Variants in FAM81B observed in about 807,000 individuals in gnomAD.
FAM81B encodes the protein protein FAM81B.
A neutral mutation model predicts 58.7 loss-of-function variants in FAM81B; 60 were observed. The observed-to-expected ratio is 1.02, with a 90% CI of 0.83 to 1.27. The LOEUF is 1.27. Among genes scored for constraint, FAM81B ranks in the 50% most tolerant of loss-of-function variants. FAM81B has a pLI of 0.00. For missense variants in FAM81B, 491 were observed against 522.0 expected (o/e 0.94, Z 0.58); for synonymous variants, 189 against 179.6 (o/e 1.05, Z -0.42).
chr5:95,446,430 CCCA>C (rs1398087973), intron 7 of FAM81B, 129 bp from the exon 8 acceptor site: 2 of 894,582 alleles, frequency 2.2e-6, no homozygotes, highest in Non-Finnish European at 3.3e-6. Flanking sequence ...TCTGGCACCT[CCCA>C]CATCACCCCA....
At chr5:95,398,737 G>C (rs1762029585) in intron 3 of FAM81B, among the ~76,000 whole-genome samples, 1 of 152,336 alleles carries the variant, frequency 6.6e-6, no homozygotes, top group South Asian at 2.1e-4. Flanking sequence ...TTATTAGATA[G>C]CTGGCCGGGG....
intron 2 of FAM81B, among the ~76,000 whole-genome samples, chr5:95,395,599 G>T (rs1761946074): frequency 6.6e-6 from 1 of 152,114 alleles, no homozygotes; most frequent in South Asian, 2.1e-4. Context: ...ATTAGAAGTT[G>T]CCAGTTAAGT....
chr5:95,407,538 A>G (rs926980761), intron 3 of FAM81B, among the ~76,000 whole-genome samples: 2 of 152,228 alleles, frequency 1.3e-5, no homozygotes, highest in African/African-American at 4.8e-5. Flanking sequence ...CTGTCTTCAG[A>G]CACATTTCAG....
intron 6 of FAM81B, among the ~76,000 whole-genome samples, chr5:95,436,490 A>G (rs1745105934): frequency 6.6e-6 from 1 of 152,234 alleles, no homozygotes; most frequent in African/African-American, 2.4e-5. Context: ...TAACAGACTA[A>G]TAAACAAACT....
intron 3 of FAM81B, among the ~76,000 whole-genome samples, chr5:95,413,612 A>G (rs1483064349): frequency 6.6e-6 from 1 of 152,166 alleles, no homozygotes; most frequent in African/African-American, 2.4e-5. Context: ...TTGCATCTTT[A>G]TAGTTATAAA....
intron 6 of FAM81B, among the ~76,000 whole-genome samples, chr5:95,429,748 T>A (rs2152767295): frequency 6.6e-6 from 1 of 152,346 alleles, no homozygotes. Flanking sequence ...CAGAATACTG[T>A]TAAATAAAAG....
intron 5 of FAM81B, 98 bp downstream of exon 5, chr5:95,420,500 C>T: frequency 6.6e-7 from 1 of 1,521,402 alleles, no homozygotes. Context: ...AAGATATTGT[C>T]TACACATTAA....
At chr5:95,418,593 T>C (rs1041089536) in intron 4 of FAM81B, among the ~76,000 whole-genome samples, 4 of 152,194 alleles carry the variant, frequency 2.6e-5, no homozygotes, top group African/African-American at 9.7e-5. Flanking sequence ...GTTAATCTCT[T>C]ACTGATAAAT....
chr5:95,448,714 T>TA (rs766276893), intron 9 of FAM81B: 16 of 482,060 alleles, frequency 3.3e-5, no homozygotes, highest in African/African-American at 1.7e-4. Flanking sequence ...TTTTTTTTTT[T>TA]ACTAAGATCA....
chr5:95,409,329 T>G (rs1762347763), intron 3 of FAM81B, among the ~76,000 whole-genome samples: 2 of 151,936 alleles, frequency 1.3e-5, no homozygotes, highest in Admixed American at 1.3e-4. Context: ...CGGCTAACTT[T>G]TCTATTTTTA....
At chr5:95,425,476 A>G (rs993060536) in intron 5 of FAM81B, among the ~76,000 whole-genome samples, 1 of 152,204 alleles carries the variant, frequency 6.6e-6, no homozygotes, top group Non-Finnish European at 1.5e-5. Flanking sequence ...AAAAAATGTT[A>G]TCTCAACTAA....
chr5:95,429,706 A>G (rs1345356635), intron 6 of FAM81B, among the ~76,000 whole-genome samples: 4 of 152,170 alleles, frequency 2.6e-5, no homozygotes, highest in Admixed American at 2.6e-4. Flanking sequence ...TTAAGACTTC[A>G]TTGCTTTTCT....
At chr5:95,447,930 G>A (rs1396537833) in intron 8 of FAM81B, among the ~76,000 whole-genome samples, 4 of 152,168 alleles carry the variant, frequency 2.6e-5, no homozygotes, top group South Asian at 2.1e-4. Context: ...GTCTGTCCAC[G>A]TGGAGGTATG....
At chr5:95,400,666 G>A (rs1224472543) in intron 3 of FAM81B, among the ~76,000 whole-genome samples, 1 of 152,046 alleles carries the variant, frequency 6.6e-6, no homozygotes, top group Admixed American at 6.6e-5. Context: ...ATTATTGTAA[G>A]AACACATATA....
At chr5:95,392,173 TA>T (rs1761840406) in intron 1 of FAM81B, among the ~76,000 whole-genome samples, 1 of 151,982 alleles carries the variant, frequency 6.6e-6, no homozygotes, top group South Asian at 2.1e-4. Context: ...TATGCAGCCA[TA>T]AAAAAGGATG....
At chr5:95,415,753 A>T (rs1344602248) in intron 4 of FAM81B, among the ~76,000 whole-genome samples, 1 of 152,210 alleles carries the variant, frequency 6.6e-6, no homozygotes, top group Non-Finnish European at 1.5e-5. Flanking sequence ...AACTGTTTCT[A>T]AGAATATTCT....
intron 6 of FAM81B, among the ~76,000 whole-genome samples, chr5:95,428,957 A>G (rs1195575013): frequency 1.3e-5 from 2 of 152,180 alleles, no homozygotes; most frequent in Admixed American, 6.5e-5. Context: ...TACTCTAAGC[A>G]TGCACTGCTT....
intron 5 of FAM81B, among the ~76,000 whole-genome samples, chr5:95,420,716 C>T (rs1762657939): frequency 6.6e-6 from 1 of 151,972 alleles, no homozygotes; most frequent in Non-Finnish European, 1.5e-5. Flanking sequence ...ACGAAATCCC[C>T]ATATGTGTCA....
At chr5:95,393,284 AT>A (rs2152759479) in intron 2 of FAM81B, among the ~76,000 whole-genome samples, 1 of 152,252 alleles carries the variant, frequency 6.6e-6, no homozygotes, top group South Asian at 2.1e-4. Context: ...TAAAAAGAAC[AT>A]TTTTTAAAGC....
Sources: allele counts gnomAD v4.1 joint callset (sites outside exome capture counted in the v4.1 genomes callset), GRCh38; gene constraint gnomAD v4.1.1; transcripts MANE v1.5; gene names NCBI Gene and HGNC (gene_info 2026-07-23, HGNC 2026-07-21).